ZFHX3: variants seen among roughly 807,000 people sequenced by gnomAD.
ZFHX3 encodes zinc finger homeobox 3.
In ZFHX3, 42 loss-of-function variants were observed where a neutral mutation model predicts 279.1. The observed-to-expected ratio is 0.15, with a 90% confidence interval of 0.12 to 0.19. The LOEUF is 0.19. Among genes scored for constraint, ZFHX3 ranks in the 10% least tolerant of loss-of-function variants. The pLI is 1.00. For missense variants in ZFHX3, 4,981 were observed against 4,754.0 expected (o/e 1.05, Z -1.40); for synonymous variants, 2,293 against 1,957.8 (o/e 1.17, Z -4.52).
intron 1 of ZFHX3, among the ~76,000 whole-genome samples, chr16:73,695,353 C>T (rs1480982482): frequency 6.6e-6 from 1 of 151,836 alleles, no homozygotes; most frequent in Non-Finnish European, 1.5e-5. Flanking sequence ...TCTCCTGCCT[C>T]AGCCTCCCAA....
intron 4 of ZFHX3, among the ~76,000 whole-genome samples, chr16:73,278,695 T>C (rs2014373708): frequency 6.6e-6 from 1 of 152,238 alleles, no homozygotes; most frequent in Non-Finnish European, 1.5e-5. Flanking sequence ...TGGTTACTTT[T>C]GGGATCTTGC....
chr16:73,172,936 T>TTG (rs1555502621), intron 5 of ZFHX3, among the ~76,000 whole-genome samples: 11 of 149,210 alleles, frequency 7.4e-5, no homozygotes, highest in Non-Finnish European at 1.5e-4. Flanking sequence ...CTGTGGTTTT[T>TTG]TTTTTTTTTT....
chr16:73,509,856 C>T (rs185374642), intron 2 of ZFHX3, among the ~76,000 whole-genome samples: 16 of 152,134 alleles, frequency 1.1e-4, no homozygotes, highest in African/African-American at 2.4e-4. Flanking sequence ...CCACCATGCC[C>T]GGCTGATTTT....
chr16:72,881,271 G>T (rs10492783), intron 4 of ZFHX3, among the ~76,000 whole-genome samples: 1 of 152,282 alleles, frequency 6.6e-6, no homozygotes, highest in Admixed American at 6.5e-5. Context: ...CATTAACAGA[G>T]AATTTTGAGA....
intron 2 of ZFHX3, among the ~76,000 whole-genome samples, chr16:73,620,999 G>T (rs35558447): frequency 0.88 from 133,348 of 152,206 alleles, 58,530 homozygotes; most frequent in East Asian, 0.99. Flanking sequence ...GGTCTCCTTG[G>T]GGGAAAAATG....
At chr16:73,535,373 A>T (rs2019881258) in intron 2 of ZFHX3, among the ~76,000 whole-genome samples, 1 of 151,944 alleles carries the variant, frequency 6.6e-6, no homozygotes, top group African/African-American at 2.4e-5. Flanking sequence ...TTAACAATCC[A>T]CTCTTGGGAG....
intron 5 of ZFHX3, among the ~76,000 whole-genome samples, chr16:73,182,874 G>A (rs1279819685): frequency 6.7e-6 from 1 of 148,944 alleles, no homozygotes; most frequent in Admixed American, 6.7e-5. Flanking sequence ...CACAGACACT[G>A]GAGACTGCAA....
chr16:73,515,584 G>A (rs539808986), intron 2 of ZFHX3, among the ~76,000 whole-genome samples: 3 of 151,538 alleles, frequency 2.0e-5, no homozygotes, highest in East Asian at 1.9e-4. Context: ...GAAAGAGGGA[G>A]AGAGAGAGAG....
chr16:73,515,413 A>G (rs985038451), intron 2 of ZFHX3, among the ~76,000 whole-genome samples: 1 of 152,070 alleles, frequency 6.6e-6, no homozygotes, highest in African/African-American at 2.4e-5. Flanking sequence ...GGAGAAGCAG[A>G]TGGAAGGGAG....
chr16:73,697,090 G>T (rs983442806), intron 1 of ZFHX3, among the ~76,000 whole-genome samples: 1 of 152,102 alleles, frequency 6.6e-6, no homozygotes, highest in African/African-American at 2.4e-5. Context: ...TAGAAATGCA[G>T]AATGGAAAAA....
intron 1 of ZFHX3, among the ~76,000 whole-genome samples, chr16:73,792,840 C>T (rs1211551967): frequency 6.7e-6 from 1 of 149,976 alleles, no homozygotes; most frequent in Non-Finnish European, 1.5e-5. Flanking sequence ...TAGTTTGGCC[C>T]TTGACCATAC....
At chr16:73,498,771 A>G (rs1358616469) in intron 2 of ZFHX3, among the ~76,000 whole-genome samples, 1 of 152,188 alleles carries the variant, frequency 6.6e-6, no homozygotes, top group African/African-American at 2.4e-5. Context: ...CTCGAGCTGG[A>G]ATGCAGGCTG....
chr16:73,336,661 A>G (rs2015918370), intron 3 of ZFHX3, among the ~76,000 whole-genome samples: 1 of 151,874 alleles, frequency 6.6e-6, no homozygotes, highest in Admixed American at 6.6e-5. Flanking sequence ...GGTTGATTCC[A>G]TGTCTTTGCT....
At chr16:73,817,224 C>A (rs933094751) in intron 1 of ZFHX3, among the ~76,000 whole-genome samples, 1 of 152,164 alleles carries the variant, frequency 6.6e-6, no homozygotes, top group African/African-American at 2.4e-5. Flanking sequence ...AAGTTTCATA[C>A]CATGACTCAG....
intron 3 of ZFHX3, among the ~76,000 whole-genome samples, chr16:72,899,521 T>C (rs1317931839): frequency 6.6e-6 from 1 of 152,212 alleles, no homozygotes; most frequent in Non-Finnish European, 1.5e-5. Flanking sequence ...TATGTCTTTA[T>C]TAATAGCGTG....
At chr16:73,823,131 C>CAATTTTTG (rs1960797178) in intron 1 of ZFHX3, among the ~76,000 whole-genome samples, 1 of 152,110 alleles carries the variant, frequency 6.6e-6, no homozygotes, top group Admixed American at 6.6e-5. Flanking sequence ...GAGCCAAGGT[C>CAATTTTTG]TACGACGTAT....
chr16:73,672,357 TTC>T (rs1419114955), intron 2 of ZFHX3, among the ~76,000 whole-genome samples: 1 of 152,182 alleles, frequency 6.6e-6, no homozygotes, highest in African/African-American at 2.4e-5. Flanking sequence ...ATTTGAAGAC[TTC>T]CGTGTTACCA....
intron 1 of ZFHX3, chr16:73,809,632 A>G (rs1364576138): frequency 6.6e-6 from 1 of 152,182 alleles, no homozygotes; most frequent in Non-Finnish European, 1.5e-5. Context: ...AGAGGGTGGA[A>G]GGGTCTCAAT....
chr16:73,317,542 G>A (rs1218641378), intron 4 of ZFHX3, among the ~76,000 whole-genome samples: 9 of 152,080 alleles, frequency 5.9e-5, no homozygotes, highest in Non-Finnish European at 1.0e-4. Context: ...TATAGATGCC[G>A]GATGCCATTA....
Sources: allele counts gnomAD v4.1 joint callset (sites outside exome capture counted in the v4.1 genomes callset), GRCh38; gene constraint gnomAD v4.1.1; transcripts MANE v1.5; gene names NCBI Gene and HGNC (gene_info 2026-07-23, HGNC 2026-07-21).